The following UBE3C variants were observed in gnomAD, a reference collection of about 807,000 sequenced individuals.
UBE3C encodes the protein ubiquitin protein ligase E3C, also known as ubiquitin-protein ligase E3C.
UBE3C carries 42 observed loss-of-function variants against 129.4 expected under a neutral mutation model. The observed-to-expected ratio is 0.32, with a 90% confidence interval of 0.25 to 0.42. The LOEUF (loss-of-function observed/expected upper bound fraction) is 0.42, where lower values mean the gene tolerates loss of function less well. Ranked by LOEUF, UBE3C falls within the 10% of genes least tolerant of loss-of-function variation. The pLI, the probability that UBE3C is intolerant of heterozygous loss-of-function variation, is 1.00. For missense variants in UBE3C, 1,049 were observed against 1,319.1 expected, an observed-to-expected ratio of 0.80 and a Z score of 3.17; for synonymous variants, 510 against 492.4, an observed-to-expected ratio of 1.04 and a Z score of -0.47.
intron 10 of UBE3C, chr7:157,197,857 C>T: frequency 6.2e-7 from 1 of 1,608,628 alleles, no homozygotes; most frequent in Non-Finnish European, 8.5e-7. Context: ...ATAAGAACAA[C>T]CGCGTTAAGT....
chr7:157,201,095 G>A (rs1396746583), intron 10 of UBE3C, among the ~76,000 whole-genome samples: 2 of 151,926 alleles, frequency 1.3e-5, no homozygotes, highest in African/African-American at 2.4e-5. Context: ...ATGCTGAGGC[G>A]GGTGGATCAC....
chr7:157,245,623 G>A (rs906759635), intron 18 of UBE3C, among the ~76,000 whole-genome samples: 6 of 151,994 alleles, frequency 3.9e-5, no homozygotes, highest in African/African-American at 1.5e-4. Context: ...AAATTAATTG[G>A]GTAATCATTA....
chr7:157,214,511 A>G (rs1360554281), intron 13 of UBE3C, among the ~76,000 whole-genome samples: 3 of 152,192 alleles, frequency 2.0e-5, no homozygotes, highest in Admixed American at 6.5e-5. Context: ...AAATATGTAA[A>G]TATGTCAGAA....
chr7:157,144,979 C>G (rs1363536718), intron 1 of UBE3C, among the ~76,000 whole-genome samples: 3 of 152,158 alleles, frequency 2.0e-5, no homozygotes, highest in African/African-American at 7.2e-5. Context: ...AGTGTCATTG[C>G]CCTAGAAATC....
chr7:157,139,362 C>A, intron 1 of UBE3C, 24 bp downstream of exon 1: 1 of 1,555,208 alleles, frequency 6.4e-7, no homozygotes, highest in Non-Finnish European at 8.6e-7. Context: ...TGGCGGGGCG[C>A]CCTCGGCTCG....
chr7:157,262,409 CTTTTTTTTT>C lies in UBE3C; in HGVS notation c.3082-5157_3082-5149del, dbSNP rs371300314. On this transcript the variant is annotated intron_variant, in intron 22 of 22. Coordinates refer to ENST00000348165, the MANE Select transcript of UBE3C (RefSeq NM_014671.3). ...AGAATCATGTAAGTCTCTTCATAGG[CTTTTTTTTT>C]TTTTTTTTTTTTTTTTTTGAGATAG... 1.9e-4 allele frequency among the ~76,000 whole-genome samples: 10 copies of C among 54,038 alleles called. 1 individual carries two copies. The South Asian group carries it at 3.1e-3, about 17-fold the overall frequency. The allele number at this position is 54,038 out of a possible 152,430, so 35.5% of individuals were successfully genotyped here. A position where few individuals can be genotyped will look rare whatever the true frequency, so the allele number is the denominator to read the frequency against.
intron 22 of UBE3C, among the ~76,000 whole-genome samples, chr7:157,259,748 T>C (rs1796848821): frequency 6.6e-6 from 1 of 152,178 alleles, no homozygotes; most frequent in African/African-American, 2.4e-5. Context: ...TTCGGAGAAG[T>C]GGAGCGACCC....
At chr7:157,253,451 T>TC (rs755913924) in intron 19 of UBE3C, among the ~76,000 whole-genome samples, 118 of 152,364 alleles carry the variant, frequency 7.7e-4, no homozygotes, top group Non-Finnish European at 1.4e-3. Context: ...CACTGATCGT[T>TC]ACCACCACCC....
intron 13 of UBE3C, among the ~76,000 whole-genome samples, chr7:157,211,800 A>G (rs1809603547): frequency 6.6e-6 from 1 of 152,128 alleles, no homozygotes; most frequent in South Asian, 2.1e-4. Context: ...ATGCTAAGGG[A>G]TCATAAATGA....
chr7:157,145,558 A>C (rs1278404494), intron 1 of UBE3C, among the ~76,000 whole-genome samples: 1 of 152,128 alleles, frequency 6.6e-6, no homozygotes, highest in Non-Finnish European at 1.5e-5. Flanking sequence ...ATATTCATCC[A>C]TCCCTCCCAT....
intron 1 of UBE3C, among the ~76,000 whole-genome samples, chr7:157,156,097 C>G (rs1203865539): frequency 6.6e-6 from 1 of 152,112 alleles, no homozygotes; most frequent in Non-Finnish European, 1.5e-5. Flanking sequence ...ACCTTATTTG[C>G]CCCTTTCCTC....
chr7:157,168,420 A>G (rs1437774587), intron 2 of UBE3C, among the ~76,000 whole-genome samples: 1 of 152,116 alleles, frequency 6.6e-6, no homozygotes, highest in Non-Finnish European at 1.5e-5. Flanking sequence ...CAATTCCTCA[A>G]TGATAACTCT....
rs752918486 is a variant in UBE3C, at chr7:157,164,495, C to G, written c.120+632C>G. ...TCATGAAGCATAAGGAGAAAGCTCA[C>G]TGTTAAGACATGTGTCTTAACTGTT... On this transcript the variant is annotated intron_variant, in intron 2 of 22. Coordinates refer to ENST00000348165, the MANE Select transcript of UBE3C (RefSeq NM_014671.3). The G allele has an allele frequency of 4.8e-5, 22 of 456,520 alleles. No individual in the cohort carries two copies. The Middle Eastern group carries it at 2.3e-3, about 47-fold the overall frequency. The allele number at this position is 456,520 out of a possible 1,614,324, so 28.3% of individuals were successfully genotyped here.
chr7:157,260,119 A>G (rs1796858784), intron 22 of UBE3C, among the ~76,000 whole-genome samples: 1 of 151,966 alleles, frequency 6.6e-6, no homozygotes. Flanking sequence ...TGTTGGAGAG[A>G]AAAAATAACC....
chr7:157,227,269 G>A (rs1216272570), intron 17 of UBE3C, among the ~76,000 whole-genome samples: 1 of 152,200 alleles, frequency 6.6e-6, no homozygotes, highest in Non-Finnish European at 1.5e-5. Flanking sequence ...TAGGGGAGGA[G>A]CTGAGTTTGT....
chr7:157,217,029 T>C, intron 14 of UBE3C, 58 bp downstream of exon 14: 1 of 1,356,582 alleles, frequency 7.4e-7, no homozygotes. Context: ...AGCTTGTGTC[T>C]TTCTGGAGAG....
chr7:157,144,613 AT>A (rs1266116894), intron 1 of UBE3C, among the ~76,000 whole-genome samples: 1 of 152,128 alleles, frequency 6.6e-6, no homozygotes, highest in Non-Finnish European at 1.5e-5. Flanking sequence ...AGGAACTGAA[AT>A]TTTTTAAGTT....
At chr7:157,230,255 C>G (rs903086130) in intron 17 of UBE3C, among the ~76,000 whole-genome samples, 2 of 152,110 alleles carry the variant, frequency 1.3e-5, no homozygotes, top group African/African-American at 2.4e-5. Context: ...AATTTTCCCC[C>G]CTTTTCAGCC....
chr7:157,249,318 G>T lies in UBE3C; in HGVS notation c.2694+738G>T, dbSNP rs564235594. On this transcript the variant is annotated intron_variant, in intron 19 of 22. Transcript: ENST00000348165. ...GCTGTGGACACTTCACATCGATAGA[G>T]TCTTTTTTTTTTTTGAGATGGAGTT... is the stretch of plus-strand genomic sequence containing the variant. Among the ~76,000 whole-genome samples the T allele has an allele frequency of 4.1e-3, 620 of 151,222 alleles. 4 individuals carry two copies. The highest frequency in any genetic ancestry group is 0.014 in the African/African-American group (595 of 41,046).
Sources: allele counts gnomAD v4.1 joint callset (sites outside exome capture counted in the v4.1 genomes callset), GRCh38; gene constraint gnomAD v4.1.1; transcripts MANE v1.5; gene names NCBI Gene and HGNC (gene_info 2026-07-23, HGNC 2026-07-21).